Variants in MGA observed in about 807,000 individuals in gnomAD.
MGA encodes the protein MAX dimerization protein MGA.
MGA carries 40 observed loss-of-function variants against 261.1 expected under a neutral mutation model. The ratio of observed to expected loss-of-function variants is 0.15; its 90% CI spans 0.12 to 0.20. The LOEUF is 0.20. MGA is among the 10% of genes least tolerant of loss of function. The pLI, the probability that MGA is intolerant of heterozygous loss-of-function variation, is 1.00. For missense variants in MGA, 3,397 were observed against 3,630.5 expected, an observed-to-expected ratio of 0.94 and a Z score of 1.65; for synonymous variants, 1,302 against 1,290.6, an observed-to-expected ratio of 1.01 and a Z score of -0.19.
chr15:41,701,209 T>A (rs1187756149), intron 5 of MGA, among the ~76,000 whole-genome samples: 2 of 152,226 alleles, frequency 1.3e-5, no homozygotes, highest in Non-Finnish European at 2.9e-5. Context: ...CATTTCTCCC[T>A]ATCTTTAACT....
At chr15:41,763,854 A>G (rs1286855776) in intron 22 of MGA, among the ~76,000 whole-genome samples, 1 of 152,086 alleles carries the variant, frequency 6.6e-6, no homozygotes, top group African/African-American at 2.4e-5. Flanking sequence ...TGTTACTTAT[A>G]TTCTTAGAGA....
At chr15:41,763,092 C>CTTTTTTTTT (rs71108131) in intron 22 of MGA, among the ~76,000 whole-genome samples, 19 of 63,974 alleles carry the variant, frequency 3.0e-4, no homozygotes, top group Non-Finnish European at 4.0e-4. Flanking sequence ...TTCTTTCTTC[C>CTTTTTTTTT]TTTTTTTTTT....
chr15:41,692,977 C>T (rs1342151271), intron 2 of MGA, among the ~76,000 whole-genome samples: 11 of 152,170 alleles, frequency 7.2e-5, no homozygotes, highest in East Asian at 1.9e-4. Context: ...GGATTATAGG[C>T]GTGAGCCACT....
At chr15:41,728,568 A>C (rs2061361626) in intron 10 of MGA, among the ~76,000 whole-genome samples, 1 of 152,226 alleles carries the variant, frequency 6.6e-6, no homozygotes. Flanking sequence ...GAAAATAATA[A>C]GGGAAAGAAA....
Position 41,740,187 on chromosome 15 carries a change from A to G in MGA, c.4569A>G (p.Pro1523=). 1.2e-6 allele frequency: 2 copies of G among 1,613,882 alleles called. No homozygotes were observed. The highest frequency in any genetic ancestry group is 2.2e-5 in the East Asian group (1 of 44,882). ...GGAAGAATCTGAAGGCGTTTGTCCC[A>G]GCAAAACGGCCAATTGGTAAGTTGG... Residue 1523 remains proline (P), a synonymous_variant, in exon 14 of 24, where the codon CCA becomes CCG. Coordinates refer to ENST00000219905, the MANE Select transcript of MGA (RefSeq NM_001164273.2).
intron 1 of MGA, among the ~76,000 whole-genome samples, chr15:41,639,076 C>T (rs1447676579): frequency 6.6e-6 from 1 of 152,120 alleles, no homozygotes. Flanking sequence ...CAAGTGATCT[C>T]ACATCTCAGC....
Position 41,742,654 on chromosome 15 carries a change from C to T in MGA, c.4694C>T (p.Thr1565Ile), listed in dbSNP as rs1349365358. ...AGCACACCCCAAACCCTGGCAGGGA[C>T]ACAGAAGTTCAGTATCAGACCTTCT... The change falls in exon 15 of 24, where the codon ACA becomes ATA. Residue 1565 changes from threonine to isoleucine, a missense_variant. Thr to Ile is a moderately conservative substitution (Grantham distance 89). Transcript: ENST00000219905. 1.9e-6 allele frequency: 3 copies of T among 1,613,962 alleles called. No individual in the cohort carries two copies. The South Asian group carries it at 3.3e-5, about 18-fold the overall frequency.
At position 41,643,204 on chromosome 15, in the gene MGA, C is replaced by CTT. The variant is rs35165330; in HGVS notation, c.-68+21919_-68+21920dup. ...CAGGTGTGAGCCATGGTGCCTGGCT[C>CTT]TTTTTTTTTTTTTTAATTTATTTTA... On this transcript the variant is annotated intron_variant, in intron 1 of 8. Transcript: ENST00000566718. 4.5e-5 allele frequency among the ~76,000 whole-genome samples: 6 copies of CTT among 133,368 alleles called. No homozygotes were observed. In the South Asian group the frequency reaches 1.5e-3, roughly 33 times the overall value. 87.5% of individuals were successfully genotyped at this position (133,368 alleles called of 152,430 possible).
intron 1 of MGA, among the ~76,000 whole-genome samples, chr15:41,662,621 G>C (rs893327576): frequency 6.6e-6 from 1 of 152,136 alleles, no homozygotes; most frequent in African/African-American, 2.4e-5. Context: ...AGTATTAATA[G>C]TTGGCTATTT....
At chr15:41,747,894 A>G (rs1803568907) in intron 15 of MGA, among the ~76,000 whole-genome samples, 1 of 152,234 alleles carries the variant, frequency 6.6e-6, no homozygotes, top group Non-Finnish European at 1.5e-5. Context: ...TAAATAGTGT[A>G]TTATGAAACT....
intron 5 of MGA, among the ~76,000 whole-genome samples, chr15:41,704,168 C>G (rs1307618996): frequency 6.6e-6 from 1 of 152,026 alleles, no homozygotes; most frequent in South Asian, 2.1e-4. Flanking sequence ...AACTGTCTTC[C>G]TCTTCCTTTT....
At chr15:41,681,216 T>G (rs1158921715) in intron 2 of MGA, among the ~76,000 whole-genome samples, 2 of 152,200 alleles carry the variant, frequency 1.3e-5, no homozygotes, top group Admixed American at 1.3e-4. Flanking sequence ...CCCCCTAGTT[T>G]TCTTTATAGA....
chr15:41,769,545 C>T lies in MGA; in HGVS notation c.*2265C>T, dbSNP rs1286103431. The T allele has an allele frequency of 6.6e-6, 1 of 152,158 alleles. No individual in the cohort carries two copies. Among genetic ancestry groups the T allele is most frequent in the East Asian group, 1.9e-4 (1 of 5,182 alleles). 9.4% of individuals were successfully genotyped at this position (152,158 alleles called of 1,614,324 possible). On this transcript the variant is annotated 3_prime_UTR_variant, in exon 24 of 24. Transcript: ENST00000219905. ...TTAGTCTTCAGAACAATCCTGCAGT[C>T]TTGACAGAAATCTAAAATCTCCAAA...
intron 15 of MGA, 43 bp downstream of exon 15, chr15:41,743,215 C>A (rs950913684): frequency 1.3e-6 from 2 of 1,528,368 alleles, no homozygotes. Flanking sequence ...TACTGTACAC[C>A]TATTTATATA....
At chr15:41,709,677 C>A (rs181717259) in intron 7 of MGA, among the ~76,000 whole-genome samples, 132 of 152,140 alleles carry the variant, frequency 8.7e-4, no homozygotes, top group Non-Finnish European at 1.6e-3. Flanking sequence ...CTCAAGAAAT[C>A]CACCTGCCTT....
At chr15:41,757,882 T>G in intron 19 of MGA, 43 bp downstream of exon 19, 2 of 1,492,834 alleles carry the variant, frequency 1.3e-6, no homozygotes, top group Non-Finnish European at 1.9e-6. Context: ...TTGAATAAAA[T>G]TGTTAACATT....
At chr15:41,710,560 C>T (rs561431529) in intron 7 of MGA, 131 bp from the exon 8 acceptor site, 3 of 930,784 alleles carry the variant, frequency 3.2e-6, no homozygotes, top group Non-Finnish European at 4.7e-6. Flanking sequence ...AGTCACTGTG[C>T]CCAGCTAAGG....
chr15:41,668,000 C>T (rs897360433), intron 1 of MGA, among the ~76,000 whole-genome samples: 22 of 151,888 alleles, frequency 1.4e-4, no homozygotes, highest in African/African-American at 2.4e-4. Flanking sequence ...GATGGGGTTT[C>T]GCCATGTTGG....
intron 2 of MGA, among the ~76,000 whole-genome samples, chr15:41,690,010 C>T (rs901126601): frequency 6.6e-5 from 10 of 152,102 alleles, no homozygotes; most frequent in African/African-American, 1.9e-4. Flanking sequence ...ATTGCACAAC[C>T]GTTACTTCAG....
Sources: gnomAD v4.1 joint callset for allele counts (sites outside exome capture counted in the v4.1 genomes callset) on GRCh38, gnomAD v4.1.1 for gene constraint, MANE v1.5 for transcripts, NCBI Gene and HGNC (gene_info 2026-07-23, HGNC 2026-07-21) for gene names.